MAML2: variants seen among roughly 807,000 people sequenced by gnomAD.
The protein encoded by MAML2 is mastermind like transcriptional coactivator 2, also known as mastermind-like protein 2.
In MAML2, 22 loss-of-function variants were observed where a neutral mutation model predicts 96.1. The observed-to-expected ratio is 0.23, with a 90% CI of 0.16 to 0.33. The LOEUF (loss-of-function observed/expected upper bound fraction) is 0.33, where lower values mean the gene tolerates loss of function less well. Among genes scored for constraint, MAML2 ranks in the 10% least tolerant of loss-of-function variants. The probability of loss-of-function intolerance (pLI) is 1.00; values close to 1 mark genes in which losing one functional copy is unlikely to be tolerated. For missense variants in MAML2, 1,367 were observed against 1,392.4 expected, an observed-to-expected ratio of 0.98 and a Z score of 0.29; for synonymous variants, 561 against 521.3, an observed-to-expected ratio of 1.08 and a Z score of -1.04.
At chr11:96,297,294 G>A (rs1191443449) in intron 1 of MAML2, among the ~76,000 whole-genome samples, 1 of 152,118 alleles carries the variant, frequency 6.6e-6, no homozygotes, top group Admixed American at 6.5e-5. Flanking sequence ...AGAACATAAG[G>A]CCAGACATAG....
chr11:96,291,289 CT>C (rs1218022238), intron 1 of MAML2, among the ~76,000 whole-genome samples: 1 of 151,832 alleles, frequency 6.6e-6, no homozygotes, highest in African/African-American at 2.4e-5. Flanking sequence ...CCTCACCCGG[CT>C]AATTTTTGTA....
At chr11:96,072,246 A>G (rs1199430684) in intron 2 of MAML2, among the ~76,000 whole-genome samples, 1 of 152,238 alleles carries the variant, frequency 6.6e-6, no homozygotes. Flanking sequence ...TGTGTAGTTA[A>G]AACTTTGCTT....
chr11:96,074,717 T>C (rs1320528855), intron 2 of MAML2, among the ~76,000 whole-genome samples: 6 of 152,168 alleles, frequency 3.9e-5, no homozygotes, highest in Admixed American at 3.9e-4. Context: ...ACAAAAAAGG[T>C]TTCAAATCAT....
intron 2 of MAML2, among the ~76,000 whole-genome samples, chr11:96,054,213 T>C (rs1208872146): frequency 6.6e-6 from 1 of 152,214 alleles, no homozygotes. Context: ...CTTGTCAGTG[T>C]CCTGATTCTA....
At chr11:96,246,817 C>G (rs1303354301) in intron 1 of MAML2, among the ~76,000 whole-genome samples, 1 of 152,072 alleles carries the variant, frequency 6.6e-6, no homozygotes, top group Non-Finnish European at 1.5e-5. Context: ...CTGAGGAAAC[C>G]GTTGTGGACA....
intron 1 of MAML2, among the ~76,000 whole-genome samples, chr11:96,236,730 G>A (rs1258003164): frequency 6.6e-6 from 1 of 152,060 alleles, no homozygotes. Flanking sequence ...CATCAATCTG[G>A]AGGGTTGATA....
At chr11:96,295,214 T>A (rs1863274700) in intron 1 of MAML2, among the ~76,000 whole-genome samples, 1 of 151,754 alleles carries the variant, frequency 6.6e-6, no homozygotes, top group Non-Finnish European at 1.5e-5. Flanking sequence ...ATGGTCAGAG[T>A]TTTTCTGGAA....
At chr11:96,121,780 ATTTTTTTTTT>A (rs543373689) in intron 1 of MAML2, among the ~76,000 whole-genome samples, 1 of 35,238 alleles carries the variant, frequency 2.8e-5, no homozygotes, top group Non-Finnish European at 4.9e-5. Context: ...CAACTGCGTG[ATTTTTTTTTT>A]TTTTTTTTTT....
intron 1 of MAML2, among the ~76,000 whole-genome samples, chr11:96,161,206 C>T (rs914338281): frequency 5.3e-5 from 8 of 152,192 alleles, no homozygotes; most frequent in South Asian, 2.1e-4. Context: ...CAATTAGGAA[C>T]ATTTAGACCC....
chr11:96,018,632 C>T (rs1479547605), intron 2 of MAML2, among the ~76,000 whole-genome samples: 3 of 152,110 alleles, frequency 2.0e-5, no homozygotes, highest in East Asian at 1.9e-4. Context: ...AGTCAAGCTC[C>T]GTCGCCCAGG....
At chr11:96,233,489 G>C (rs555913440) in intron 1 of MAML2, among the ~76,000 whole-genome samples, 1 of 151,756 alleles carries the variant, frequency 6.6e-6, no homozygotes, top group Non-Finnish European at 1.5e-5. Context: ...CTTACTGCAG[G>C]CTTAACCTCC....
chr11:96,159,218 T>A (rs947671226), intron 1 of MAML2, among the ~76,000 whole-genome samples: 2 of 152,102 alleles, frequency 1.3e-5, no homozygotes, highest in African/African-American at 4.8e-5. Context: ...CAAGCAGTAA[T>A]CTTTCTAAAA....
intron 1 of MAML2, among the ~76,000 whole-genome samples, chr11:96,207,813 A>G (rs1406449365): frequency 6.6e-6 from 1 of 152,236 alleles, no homozygotes; most frequent in African/African-American, 2.4e-5. Context: ...TCAAGGCTTT[A>G]CTGTTTTTAA....
intron 1 of MAML2, among the ~76,000 whole-genome samples, chr11:96,153,413 A>T (rs1304456812): frequency 1.3e-5 from 2 of 152,168 alleles, no homozygotes; most frequent in African/African-American, 4.8e-5. Context: ...TTATTGTAAC[A>T]TTCTGCCTAT....
At chr11:96,278,461 C>G (rs1210392123) in intron 1 of MAML2, among the ~76,000 whole-genome samples, 1 of 152,134 alleles carries the variant, frequency 6.6e-6, no homozygotes, top group Non-Finnish European at 1.5e-5. Context: ...AGGCGGACAT[C>G]CCAACAAACC....
chr11:96,320,755 G>A (rs1863689055), intron 1 of MAML2, among the ~76,000 whole-genome samples: 1 of 152,136 alleles, frequency 6.6e-6, no homozygotes, highest in African/African-American at 2.4e-5. Context: ...TGTAGCAAAT[G>A]AATGCCTGCT....
intron 1 of MAML2, among the ~76,000 whole-genome samples, chr11:96,211,724 A>G (rs570876813): frequency 6.6e-6 from 1 of 152,312 alleles, no homozygotes; most frequent in African/African-American, 2.4e-5. Flanking sequence ...GCAGATGGAA[A>G]GGGGTTGGAG....
intron 1 of MAML2, among the ~76,000 whole-genome samples, chr11:96,300,988 T>C (rs1261970901): frequency 6.6e-6 from 1 of 152,176 alleles, no homozygotes; most frequent in Non-Finnish European, 1.5e-5. Context: ...ATTTTGAGGA[T>C]GAAATGTAAA....
intron 4 of MAML2, among the ~76,000 whole-genome samples, chr11:95,980,383 A>G (rs943353006): frequency 6.6e-5 from 10 of 152,130 alleles, no homozygotes; most frequent in African/African-American, 2.4e-4. Flanking sequence ...GTGTGGATGA[A>G]TGCTACACAC....
Sources: allele counts gnomAD v4.1 joint callset (sites outside exome capture counted in the v4.1 genomes callset), GRCh38; gene constraint gnomAD v4.1.1; transcripts MANE v1.5; gene names NCBI Gene and HGNC (gene_info 2026-07-23, HGNC 2026-07-21).